The following FHIT variants were observed in gnomAD, a reference collection of about 807,000 sequenced individuals.
FHIT encodes the protein bis(5'-adenosyl)-triphosphatase.
Under a neutral mutation model 17.9 loss-of-function variants are expected in FHIT, and 19 were observed. The ratio of observed to expected loss-of-function variants is 1.06; its 90% confidence interval spans 0.74 to 1.56. The LOEUF (loss-of-function observed/expected upper bound fraction) is 1.56. FHIT is among the 40% of genes most tolerant of loss of function. The probability of loss-of-function intolerance (pLI) is 0.00; values close to 1 mark genes in which losing one functional copy is unlikely to be tolerated. For synonymous variants in FHIT, 81 were observed against 69.7 expected, an observed-to-expected ratio of 1.16 and a Z score of -0.81; for missense variants, 248 against 189.2, an observed-to-expected ratio of 1.31 and a Z score of -1.82.
chr3:60,539,140 C>A (rs1390825526), intron 4 of FHIT, among the ~76,000 whole-genome samples: 1 of 152,160 alleles, frequency 6.6e-6, no homozygotes, highest in African/African-American at 2.4e-5. Context: ...AAGATATGAA[C>A]AGACAGTTCT....
intron 8 of FHIT, among the ~76,000 whole-genome samples, chr3:59,830,097 C>A (rs1701114575): frequency 6.6e-6 from 1 of 151,850 alleles, no homozygotes; most frequent in Non-Finnish European, 1.5e-5. Flanking sequence ...CAAAACAACC[C>A]CCCCCTCAAA....
At chr3:60,408,992 C>A (rs912759399) in intron 5 of FHIT, among the ~76,000 whole-genome samples, 7 of 152,080 alleles carry the variant, frequency 4.6e-5, no homozygotes, top group Non-Finnish European at 7.4e-5. Flanking sequence ...TGGAGTCAGA[C>A]TCGGGGGCTC....
At chr3:60,860,461 CATAT>C (rs1333200971) in intron 3 of FHIT, among the ~76,000 whole-genome samples, 1 of 78,432 alleles carries the variant, frequency 1.3e-5, no homozygotes, top group Non-Finnish European at 2.6e-5. Context: ...TACATATGTA[CATAT>C]ATATGTATAT....
intron 4 of FHIT, among the ~76,000 whole-genome samples, chr3:60,605,753 G>C (rs1315184598): frequency 2.0e-5 from 3 of 152,140 alleles, no homozygotes; most frequent in East Asian, 3.9e-4. Flanking sequence ...TGGGAACACA[G>C]CTAATGGGGC....
chr3:59,867,460 C>T (rs1387983434), intron 8 of FHIT, among the ~76,000 whole-genome samples: 2 of 152,076 alleles, frequency 1.3e-5, no homozygotes, highest in Non-Finnish European at 2.9e-5. Flanking sequence ...TTTAAGATTT[C>T]TCATTGTCCA....
intron 5 of FHIT, among the ~76,000 whole-genome samples, chr3:60,305,795 T>C (rs753391438): frequency 8.5e-5 from 13 of 152,150 alleles, no homozygotes; most frequent in Non-Finnish European, 1.5e-4. Context: ...ACGTATCTCA[T>C]GCTAAATGGA....
intron 8 of FHIT, among the ~76,000 whole-genome samples, chr3:59,806,426 A>G: frequency 6.6e-6 from 1 of 151,928 alleles, no homozygotes; most frequent in East Asian, 1.9e-4. Flanking sequence ...CTAAATTTAT[A>G]CTCTTTCCAA....
At chr3:60,067,212 G>A (rs1402337853) in intron 5 of FHIT, among the ~76,000 whole-genome samples, 4 of 152,044 alleles carry the variant, frequency 2.6e-5, no homozygotes, top group Admixed American at 2.0e-4. Flanking sequence ...TATATTAGGG[G>A]AAATATCTAA....
intron 5 of FHIT, among the ~76,000 whole-genome samples, chr3:60,065,308 C>G (rs916362943): frequency 4.6e-5 from 7 of 152,106 alleles, no homozygotes; most frequent in African/African-American, 1.7e-4. Context: ...TGAATCCTGA[C>G]CTGGCCATGA....
At chr3:60,096,902 C>A (rs1703972454) in intron 5 of FHIT, among the ~76,000 whole-genome samples, 1 of 151,522 alleles carries the variant, frequency 6.6e-6, no homozygotes, top group Admixed American at 6.6e-5. Flanking sequence ...TGGAAACGGC[C>A]AGGCACAGTG....
At chr3:61,126,150 T>A (rs1262263607) in intron 2 of FHIT, among the ~76,000 whole-genome samples, 1 of 152,154 alleles carries the variant, frequency 6.6e-6, no homozygotes, top group East Asian at 1.9e-4. Context: ...CTGACAGCTA[T>A]ATTTTCACTC....
intron 3 of FHIT, among the ~76,000 whole-genome samples, chr3:60,995,132 A>G (rs1326076314): frequency 2.6e-5 from 4 of 152,068 alleles, no homozygotes; most frequent in Non-Finnish European, 5.9e-5. Flanking sequence ...CATCCTGGCT[A>G]ACACGGTGAA....
chr3:60,037,530 G>A (rs1333417216), intron 5 of FHIT, among the ~76,000 whole-genome samples: 1 of 148,926 alleles, frequency 6.7e-6, no homozygotes, highest in African/African-American at 2.5e-5. Context: ...CTACAGGCAC[G>A]CACCACCGCA....
chr3:60,545,004 C>T (rs1253720859), intron 4 of FHIT, among the ~76,000 whole-genome samples: 1 of 151,778 alleles, frequency 6.6e-6, no homozygotes, highest in Non-Finnish European at 1.5e-5. Flanking sequence ...GAGCGTTAAA[C>T]AAAACTCTTT....
At chr3:59,899,602 G>A (rs776432070) in intron 8 of FHIT, among the ~76,000 whole-genome samples, 24 of 152,138 alleles carry the variant, frequency 1.6e-4, no homozygotes, top group Non-Finnish European at 2.6e-4. Context: ...GGGAGGCCGA[G>A]GCGGACGGAT....
intron 5 of FHIT, among the ~76,000 whole-genome samples, chr3:60,177,641 A>C (rs1002157389): frequency 2.0e-5 from 3 of 152,178 alleles, no homozygotes; most frequent in African/African-American, 7.2e-5. Context: ...GCACTCTGAG[A>C]TTAGTGATTT....
intron 3 of FHIT, among the ~76,000 whole-genome samples, chr3:60,913,224 G>C (rs945255114): frequency 3.3e-5 from 5 of 152,240 alleles, no homozygotes; most frequent in Non-Finnish European, 7.3e-5. Flanking sequence ...TGACTCTATA[G>C]TGTTGAGACT....
At chr3:60,167,813 T>G (rs1701243573) in intron 5 of FHIT, among the ~76,000 whole-genome samples, 1 of 152,132 alleles carries the variant, frequency 6.6e-6, no homozygotes, top group East Asian at 1.9e-4. Flanking sequence ...GGCAGATCAG[T>G]TGAGCTCAGG....
At chr3:60,402,729 T>TA (rs1161759053) in intron 5 of FHIT, among the ~76,000 whole-genome samples, 1 of 152,150 alleles carries the variant, frequency 6.6e-6, no homozygotes, top group African/African-American at 2.4e-5. Context: ...TATTTTGGAC[T>TA]AAAAATAGTC....
Sources: gnomAD v4.1 joint callset for allele counts (sites outside exome capture counted in the v4.1 genomes callset) on GRCh38, gnomAD v4.1.1 for gene constraint, MANE v1.5 for transcripts, NCBI Gene and HGNC (gene_info 2026-07-23, HGNC 2026-07-21) for gene names.